FAM168B: variants seen among roughly 807,000 people sequenced by gnomAD.
The protein encoded by FAM168B is family with sequence similarity 168 member B.
A neutral mutation model predicts 21.8 loss-of-function variants in FAM168B; 19 were observed. That is an observed-to-expected ratio of 0.87 (90% CI 0.61 to 1.28). The LOEUF (loss-of-function observed/expected upper bound fraction) is 1.28. Ranked by LOEUF, FAM168B falls within the 50% of genes most tolerant of loss-of-function variation. The pLI is 0.00. For synonymous variants in FAM168B, 126 were observed against 104.8 expected, an observed-to-expected ratio of 1.20 and a Z score of -1.24; for missense variants, 233 against 263.1, an observed-to-expected ratio of 0.89 and a Z score of 0.79.
chr2:131,068,122 G>A (rs1338372354), intron 3 of FAM168B, among the ~76,000 whole-genome samples: 1 of 152,222 alleles, frequency 6.6e-6, no homozygotes, highest in African/African-American at 2.4e-5. Context: ...ACTCAGGTTA[G>A]ATGGACAACA....
chr2:131,055,174 T>C (rs1199491961), intron 5 of FAM168B, 98 bp downstream of exon 5: 18 of 1,211,382 alleles, frequency 1.5e-5, no homozygotes, highest in East Asian at 2.9e-5. Flanking sequence ...ACTACAGCTA[T>C]GAAAACCTAG....
intron 1 of FAM168B, among the ~76,000 whole-genome samples, chr2:131,088,987 CAG>C (rs1360859542): frequency 7.0e-6 from 1 of 142,232 alleles, no homozygotes; most frequent in Non-Finnish European, 1.5e-5. Context: ...TTTTTTGAGA[CAG>C]AGTTTTCACT....
At chr2:131,068,579 T>C (rs1692693309) in intron 3 of FAM168B, among the ~76,000 whole-genome samples, 1 of 152,172 alleles carries the variant, frequency 6.6e-6, no homozygotes, top group South Asian at 2.1e-4. Context: ...CAGATGCCCC[T>C]CTAAACAAGG....
chr2:131,050,813 AG>A lies in FAM168B; in HGVS notation c.*1651del, dbSNP rs1691619784. ...GCTACCAGCAAATGAAGAGGAGCAGAGCCCCCTCCCCACCAGAGCCCACAGC... is the reference window on the plus strand; with the variant it reads ...GCTACCAGCAAATGAAGAGGAGCAGACCCCCTCCCCACCAGAGCCCACAGC... On this transcript the variant is annotated 3_prime_UTR_variant, in exon 7 of 7. Transcript: ENST00000389915. 1.0e-6 allele frequency: 1 copy of A among 985,340 alleles called. No homozygotes were observed. The highest frequency in any genetic ancestry group is 1.7e-5 in the African/African-American group (1 of 57,220). The allele number at this position is 985,340 out of a possible 1,614,324, so 61.0% of individuals were successfully genotyped here.
At chr2:131,065,245 G>A (rs1212063964) in intron 3 of FAM168B, among the ~76,000 whole-genome samples, 1 of 152,110 alleles carries the variant, frequency 6.6e-6, no homozygotes, top group African/African-American at 2.4e-5. Flanking sequence ...TTGCCCATGG[G>A]GAGTGAAATG....
In FAM168B at chr2:131,061,292, AT is replaced by A. The variant is rs145127554; in HGVS notation, c.155-5598del. On this transcript the variant is annotated intron_variant, in intron 3 of 6. Coordinates refer to ENST00000389915, the MANE Select transcript of FAM168B (RefSeq NM_001009993.4). ...AAGCTGGCAAAACCTCGCCTCCAAAATTTAAAAAAAAAAAAAAAGTAAAAAT... is the reference window on the plus strand; with the variant it reads ...AAGCTGGCAAAACCTCGCCTCCAAAATTAAAAAAAAAAAAAAAGTAAAAAT... 5.7e-3 allele frequency among the ~76,000 whole-genome samples: 850 copies of A among 148,594 alleles called. 9 individuals carry two copies. The highest frequency in any genetic ancestry group is 0.019 in the African/African-American group (785 of 40,418).
chr2:131,050,453 TGAA>T lies in FAM168B; in HGVS notation c.*2009_*2011del. 1.0e-6 allele frequency: 1 copy of T among 985,782 alleles called. No individual in the cohort carries two copies. Among genetic ancestry groups the T allele is most frequent in the Non-Finnish European group, 1.2e-6 (1 of 829,936 alleles). The allele number at this position is 985,782 out of a possible 1,614,324, so 61.1% of individuals were successfully genotyped here. On this transcript the variant is annotated 3_prime_UTR_variant, in exon 7 of 7. Coordinates refer to ENST00000389915, the MANE Select transcript of FAM168B (RefSeq NM_001009993.4). ...ACAGATGGAATTACCAACAGAGACT[TGAA>T]GAAAGGGGCACAAACTGTGTGCCTG...
chr2:131,076,652 T>TAA (rs76726482), intron 2 of FAM168B, among the ~76,000 whole-genome samples: 20 of 96,306 alleles, frequency 2.1e-4, no homozygotes, highest in African/African-American at 5.2e-4. Flanking sequence ...GACTCCGTCT[T>TAA]AAAAAAAAAA....
chr2:131,055,696 C>T lies in FAM168B; in HGVS notation c.155-1G>A. The T allele has an allele frequency of 6.2e-7, 1 of 1,613,536 alleles. No individual in the cohort carries two copies. Among genetic ancestry groups the T allele is most frequent in the Non-Finnish European group, 8.5e-7 (1 of 1,179,750 alleles). Reference sequence around the variant, plus strand: ...TTGTAAGGTGTGCCAGGAGTGTAACCTGGAACAAAGAAGGCAATGGCCTGA... The same window carrying T: ...TTGTAAGGTGTGCCAGGAGTGTAACTTGGAACAAAGAAGGCAATGGCCTGA... On this transcript the variant is annotated splice_acceptor_variant, in intron 3 of 6. Transcript: ENST00000389915. LOFTEE classifies it high-confidence loss of function.
chr2:131,079,994 G>A (rs1693353454), intron 2 of FAM168B, among the ~76,000 whole-genome samples: 1 of 152,038 alleles, frequency 6.6e-6, no homozygotes, highest in African/African-American at 2.4e-5. Flanking sequence ...GCAGGCGCCT[G>A]TAATCCCAGC....
At chr2:131,056,846 A>C (rs1056237067) in intron 3 of FAM168B, among the ~76,000 whole-genome samples, 13 of 152,032 alleles carry the variant, frequency 8.6e-5, no homozygotes, top group Admixed American at 1.3e-4. Flanking sequence ...GCATGTACTG[A>C]CAGAAGCTCT....
At chr2:131,080,881 A>C (rs1217654428) in intron 2 of FAM168B, among the ~76,000 whole-genome samples, 2 of 151,870 alleles carry the variant, frequency 1.3e-5, no homozygotes, top group East Asian at 4.0e-4. Flanking sequence ...AGTGTTAGCC[A>C]GGATGGTCTC....
intron 1 of FAM168B, among the ~76,000 whole-genome samples, chr2:131,084,293 G>A (rs1445295848): frequency 6.7e-6 from 1 of 150,182 alleles, no homozygotes; most frequent in Non-Finnish European, 1.5e-5. Context: ...GGGTTCAAGT[G>A]ATTATCCCAC....
At chr2:131,053,215 A>T (rs1411507716) in intron 5 of FAM168B, among the ~76,000 whole-genome samples, 200 bp from the exon 6 acceptor site, 1 of 152,234 alleles carries the variant, frequency 6.6e-6, no homozygotes, top group Non-Finnish European at 1.5e-5. Flanking sequence ...CTCCACAGAC[A>T]ATATGTTCGT....
intron 2 of FAM168B, among the ~76,000 whole-genome samples, chr2:131,078,131 C>G (rs898263426): frequency 6.6e-6 from 1 of 152,164 alleles, no homozygotes; most frequent in African/African-American, 2.4e-5. Context: ...ATGAAAAACA[C>G]CAGGCATGCC....
chr2:131,083,675 T>C (rs1693533509), intron 1 of FAM168B, among the ~76,000 whole-genome samples: 1 of 152,174 alleles, frequency 6.6e-6, no homozygotes, highest in Non-Finnish European at 1.5e-5. Context: ...AACAGAATAA[T>C]ACAATGTTAA....
intron 2 of FAM168B, among the ~76,000 whole-genome samples, chr2:131,078,291 T>C (rs1442157412): frequency 1.3e-5 from 2 of 152,052 alleles, no homozygotes; most frequent in Non-Finnish European, 2.9e-5. Context: ...AGAAAATACA[T>C]AAAAAGACTT....
chr2:131,049,479 A>G lies in FAM168B; in HGVS notation c.*2986T>C. On this transcript the variant is annotated 3_prime_UTR_variant, in exon 7 of 7. Transcript: ENST00000389915. ...TGGAAGTGCCTTCAGGCCCATTACC[A>G]TGACTGGCCCTGACTCTGGCCCTCA... The G allele has an allele frequency of 1.0e-6, 1 of 985,424 alleles. No individual in the cohort carries two copies. Among genetic ancestry groups the G allele is most frequent in the Non-Finnish European group, 1.2e-6 (1 of 829,940 alleles). 61.0% of individuals were successfully genotyped at this position (985,424 alleles called of 1,614,324 possible).
intron 3 of FAM168B, among the ~76,000 whole-genome samples, chr2:131,058,780 A>G (rs950737909): frequency 1.3e-5 from 2 of 152,230 alleles, no homozygotes; most frequent in African/African-American, 4.8e-5. Flanking sequence ...CTAAAAAAGG[A>G]AAGTGAAAAG....
Sources: gnomAD v4.1 joint callset for allele counts (sites outside exome capture counted in the v4.1 genomes callset) on GRCh38, gnomAD v4.1.1 for gene constraint, MANE v1.5 for transcripts, NCBI Gene and HGNC (gene_info 2026-07-23, HGNC 2026-07-21) for gene names.